KAZN: variants seen among roughly 807,000 people sequenced by gnomAD.
KAZN encodes the protein kazrin.
KAZN carries 40 observed loss-of-function variants against 87.4 expected under a neutral mutation model. The observed-to-expected ratio is 0.46, with a 90% CI of 0.36 to 0.60. KAZN has a LOEUF of 0.60. Ranked by LOEUF, KAZN falls within the 20% of genes least tolerant of loss-of-function variation. The probability of loss-of-function intolerance (pLI) is 0.00; values close to 1 mark genes in which losing one functional copy is unlikely to be tolerated. For synonymous variants in KAZN, 466 were observed against 458.3 expected, an observed-to-expected ratio of 1.02 and a Z score of -0.22; for missense variants, 898 against 1,073.9, an observed-to-expected ratio of 0.84 and a Z score of 2.29.
chr1:14,370,186 G>A (rs1019701365), intron 2 of KAZN, among the ~76,000 whole-genome samples: 2 of 152,208 alleles, frequency 1.3e-5, no homozygotes, highest in African/African-American at 2.4e-5. Flanking sequence ...CAAGGCTTGA[G>A]GGAGAGCAGG....
At chr1:14,501,802 A>G (rs571151075) in intron 2 of KAZN, among the ~76,000 whole-genome samples, 1 of 152,242 alleles carries the variant, frequency 6.6e-6, no homozygotes, top group Non-Finnish European at 1.5e-5. Context: ...TTCAGCCATA[A>G]AAACGAAGGA....
At chr1:14,747,617 C>T (rs772905281) in intron 1 of KAZN, among the ~76,000 whole-genome samples, 1 of 152,226 alleles carries the variant, frequency 6.6e-6, no homozygotes, top group East Asian at 1.9e-4. Flanking sequence ...CATCAATAAG[C>T]ATTTGCGTAG....
chr1:14,519,203 C>G (rs1415245927), intron 2 of KAZN, among the ~76,000 whole-genome samples: 1 of 151,962 alleles, frequency 6.6e-6, no homozygotes, highest in Non-Finnish European at 1.5e-5. Flanking sequence ...GAAATAGCCC[C>G]TGACTACACA....
At chr1:14,943,019 T>G (rs1267267765) in intron 1 of KAZN, among the ~76,000 whole-genome samples, 9 of 95,940 alleles carry the variant, frequency 9.4e-5, no homozygotes, top group Middle Eastern at 5.7e-3. Context: ...TGTGTGTGTG[T>G]GTGTGTGTGT....
Position 15,076,743 on chromosome 1 carries a change from A to G in KAZN, c.1222+10990A>G, listed in dbSNP as rs113342743. ...GGGAGGATGCAATGAGCTCATGCTT[A>G]CTAGTTGTAAAGCACCAGGCAAACA... is the stretch of plus-strand genomic sequence containing the variant. On this transcript the variant is annotated intron_variant, in intron 8 of 14. Transcript: ENST00000376030. Among the ~76,000 whole-genome samples, 849 of 152,336 alleles carry G rather than the reference A, an allele frequency of 5.6e-3. 10 individuals carry two copies. Among genetic ancestry groups the G allele is most frequent in the African/African-American group, 0.02 (817 of 41,582 alleles).
At chr1:14,406,986 G>GA (rs1219240599) in intron 2 of KAZN, among the ~76,000 whole-genome samples, 1 of 152,148 alleles carries the variant, frequency 6.6e-6, no homozygotes, top group Non-Finnish European at 1.5e-5. Flanking sequence ...GCTGTGTACC[G>GA]AATGAATTTC....
intron 2 of KAZN, among the ~76,000 whole-genome samples, chr1:14,245,562 A>G (rs1216831526): frequency 6.6e-6 from 1 of 152,152 alleles, no homozygotes; most frequent in Non-Finnish European, 1.5e-5. Context: ...TTGAACATAT[A>G]TCCCTGAGGA....
At chr1:14,368,324 C>T (rs1037850146) in intron 2 of KAZN, among the ~76,000 whole-genome samples, 9 of 152,186 alleles carry the variant, frequency 5.9e-5, no homozygotes, top group East Asian at 1.9e-4. Flanking sequence ...CCCTGAGAGC[C>T]GGATTTTAGC....
intron 13 of KAZN, among the ~76,000 whole-genome samples, chr1:15,107,084 T>C (rs1011029190): frequency 1.3e-5 from 2 of 152,226 alleles, no homozygotes; most frequent in African/African-American, 4.8e-5. Context: ...CCCAGGTCTC[T>C]ACTCCTAGTC....
chr1:14,536,960 T>A (rs1386451476), intron 2 of KAZN, among the ~76,000 whole-genome samples: 1 of 152,146 alleles, frequency 6.6e-6, no homozygotes, highest in East Asian at 1.9e-4. Context: ...GTCTCTGGCA[T>A]CTCCTGGTAC....
chr1:14,675,077 C>T (rs56230441), intron 1 of KAZN, among the ~76,000 whole-genome samples: 5,775 of 152,284 alleles, frequency 0.038, 179 homozygotes, highest in Non-Finnish European at 0.057. Flanking sequence ...TGAGGTCAGT[C>T]TCGTGGTGTT....
Position 14,123,797 on chromosome 1 carries a change from T to C in KAZN, c.92-56638T>C, listed in dbSNP as rs112278103. Among the ~76,000 whole-genome samples the C allele has an allele frequency of 7.6e-3, 1,159 of 152,116 alleles. 7 individuals carry two copies. The highest frequency in any genetic ancestry group is 0.013 in the Non-Finnish European group (852 of 67,976). ...AAGCCCCCAGTGGGCCTATATTATC[T>C]ATGGGTCAAACACACACCCCTGGTC... On this transcript the variant is annotated intron_variant, in intron 1 of 16. Coordinates refer to the KAZN transcript ENST00000636203.
Position 14,227,161 on chromosome 1 carries a change from A to G in KAZN, c.249+46569A>G, listed in dbSNP as rs562385646. Among the ~76,000 whole-genome samples the G allele has an allele frequency of 1.0e-3, 155 of 152,302 alleles. 3 individuals carry two copies. In the South Asian group the frequency reaches 0.014, roughly 13 times the overall value. On this transcript the variant is annotated intron_variant, in intron 2 of 16. Coordinates refer to the KAZN transcript ENST00000636203. ...TTGTGAGTATGACAACCTCAAATACAGATTGATAAAGTCAGATTGTACTGG... is the reference window on the plus strand; with the variant it reads ...TTGTGAGTATGACAACCTCAAATACGGATTGATAAAGTCAGATTGTACTGG...
Position 14,434,070 on chromosome 1 carries a change from C to T in KAZN, c.250-164913C>T, listed in dbSNP as rs77748649. The stretch of plus-strand genomic sequence containing the variant: ...GAACATAACTTGATGTTTAAGCCAC[C>T]GGTGCATGGTATTTTGTTGTGGCTG... On this transcript the variant is annotated intron_variant, in intron 2 of 16. Coordinates refer to the KAZN transcript ENST00000636203. 4.4e-3 allele frequency among the ~76,000 whole-genome samples: 665 copies of T among 152,294 alleles called. 7 individuals are homozygous for T. Among genetic ancestry groups the T allele is most frequent in the African/African-American group, 0.015 (618 of 41,566 alleles).
At chr1:14,482,099 G>C (rs1041785362) in intron 2 of KAZN, among the ~76,000 whole-genome samples, 2 of 152,222 alleles carry the variant, frequency 1.3e-5, no homozygotes, top group African/African-American at 4.8e-5. Context: ...GCATGCAGCG[G>C]TGAGCTGCAT....
intron 1 of KAZN, among the ~76,000 whole-genome samples, chr1:14,168,195 TCTA>T (rs778139730): frequency 6.6e-6 from 1 of 152,226 alleles, no homozygotes; most frequent in East Asian, 1.9e-4. Flanking sequence ...TTTGTCAGAA[TCTA>T]CTTCTCACAG....
At chr1:14,231,988 A>G (rs1647904832) in intron 2 of KAZN, among the ~76,000 whole-genome samples, 1 of 152,116 alleles carries the variant, frequency 6.6e-6, no homozygotes. Flanking sequence ...AGGGGTTTAT[A>G]TGGGCCAGAT....
At chr1:14,271,208 C>T (rs1322690112) in intron 2 of KAZN, among the ~76,000 whole-genome samples, 1 of 152,174 alleles carries the variant, frequency 6.6e-6, no homozygotes, top group Admixed American at 6.5e-5. Flanking sequence ...TGGATTAGGG[C>T]CCACCCTCAT....
intron 1 of KAZN, among the ~76,000 whole-genome samples, chr1:14,135,092 T>C (rs1325927572): frequency 4.6e-5 from 7 of 151,976 alleles, no homozygotes; most frequent in Admixed American, 3.9e-4. Context: ...TTAAAAGTAA[T>C]GGCAAAAACT....
Sources: gnomAD v4.1 joint callset for allele counts (sites outside exome capture counted in the v4.1 genomes callset) on GRCh38, gnomAD v4.1.1 for gene constraint, MANE v1.5 for transcripts, NCBI Gene and HGNC (gene_info 2026-07-23, HGNC 2026-07-21) for gene names.